PON3: variants seen among roughly 807,000 people sequenced by gnomAD.
PON3 encodes the protein serum paraoxonase/lactonase 3.
A neutral mutation model predicts 36.3 loss-of-function variants in PON3; 37 were observed. The ratio of observed to expected loss-of-function variants is 1.02; its 90% CI spans 0.78 to 1.34. The LOEUF is 1.34. Ranked by LOEUF, PON3 falls within the 40% of genes most tolerant of loss-of-function variation. PON3 has a pLI of 0.00. For synonymous variants in PON3, 155 were observed against 154.8 expected (o/e 1.00, Z -0.01); for missense variants, 415 against 426.5 (o/e 0.97, Z 0.24).
At chr7:95,376,847 A>G (rs1481191582) in intron 3 of PON3, among the ~76,000 whole-genome samples, 5 of 152,182 alleles carry the variant, frequency 3.3e-5, no homozygotes, top group African/African-American at 1.2e-4. Context: ...AAGACAGGTG[A>G]TTTCTGCATT....
chr7:95,394,700 G>A lies in PON3; in HGVS notation c.89C>T (p.Ala30Val), dbSNP rs776953776. The A allele has an allele frequency of 5.6e-6, 9 of 1,613,930 alleles. No individual in the cohort carries two copies. Among genetic ancestry groups the A allele is most frequent in the African/African-American group, 1.3e-5 (1 of 74,918 alleles). ...TTCTACTGGCTCCACTTCTCGAGAG[G>A]CATTCACCCTTTCTCTGTAGAAGAT... ...MFLAFRERVN[A>V]SREVEPVEPE... The change falls in exon 2 of 9, where the codon GCC becomes GTC. Residue 30 changes from alanine (A) to valine (V), a missense_variant. Coordinates refer to ENST00000265627, the MANE Select transcript of PON3 (RefSeq NM_000940.3).
intron 3 of PON3, among the ~76,000 whole-genome samples, chr7:95,373,929 G>A (rs970478959): frequency 3.3e-5 from 5 of 152,118 alleles, no homozygotes; most frequent in South Asian, 2.1e-4. Flanking sequence ...GAGCATTACC[G>A]CCTGAGCTCC....
rs1298368572 is a variant in PON3 at position 95,359,905 on chromosome 7, T to C, written c.*68A>G. 6 of 1,499,782 alleles carry C rather than the reference T, an allele frequency of 4.0e-6. No individual in the cohort carries two copies. Among genetic ancestry groups the C allele is most frequent in the South Asian group, 3.5e-5 (3 of 85,364 alleles). The allele number at this position is 1,499,782 out of a possible 1,614,324, so 92.9% of individuals were successfully genotyped here. A position where few individuals can be genotyped will look rare whatever the true frequency, so the allele number is the denominator to read the frequency against. On this transcript the variant is annotated 3_prime_UTR_variant, in exon 9 of 9. Transcript: ENST00000265627. ...TGCTATTTACTTACAGTGCCACTTA[T>C]CATACAATTATCAGTTTACTTTTAC...
At position 95,394,647 on chromosome 7, in the gene PON3, G is replaced by A. The variant is rs1809389499; in HGVS notation, c.142C>T (p.Leu48Phe). 4 of 1,613,774 alleles carry A rather than the reference G, an allele frequency of 2.5e-6. No individual in the cohort carries two copies. Among genetic ancestry groups the A allele is most frequent in the South Asian group, 2.2e-5 (2 of 91,072 alleles). ...EPENCHLIEE[L>F]ESGSEDIDIL... is the part of the protein sequence containing the mutation. ...CTTGGTACTGTCACATACATACCAAGTTCCTCAATAAGGTGGCAGTTTTCA... is the reference window on the plus strand; with the variant it reads ...CTTGGTACTGTCACATACATACCAAATTCCTCAATAAGGTGGCAGTTTTCA... Residue 48 changes from leucine (L) to phenylalanine (F), a missense_variant, in exon 2 of 9, where the codon CTT becomes TTT. Leu to Phe is a conservative substitution (Grantham distance 22). Coordinates refer to ENST00000265627, the MANE Select transcript of PON3 (RefSeq NM_000940.3).
At chr7:95,381,380 A>G (rs1809050350) in intron 3 of PON3, among the ~76,000 whole-genome samples, 1 of 152,234 alleles carries the variant, frequency 6.6e-6, no homozygotes, top group African/African-American at 2.4e-5. Flanking sequence ...AATGGGCTAA[A>G]TGCTCCAATT....
At chr7:95,365,891 G>A (rs1808679400) in intron 5 of PON3, 1 of 152,106 alleles carries the variant, frequency 6.6e-6, no homozygotes, top group Admixed American at 6.6e-5. Flanking sequence ...TTCTTGCAAG[G>A]ACACCAGTTC....
At chr7:95,371,553 A>C (rs1251448427) in intron 4 of PON3, among the ~76,000 whole-genome samples, 1 of 152,186 alleles carries the variant, frequency 6.6e-6, no homozygotes, top group Non-Finnish European at 1.5e-5. Flanking sequence ...TCTAAGGATG[A>C]TAAACATCTT....
chr7:95,394,853 T>C (rs1450070602), intron 1 of PON3, 139 bp from the exon 2 acceptor site: 2 of 730,752 alleles, frequency 2.7e-6, no homozygotes, highest in East Asian at 2.7e-5. Flanking sequence ...AAGTAGGTAC[T>C]TCCTTTCATG....
intron 5 of PON3, among the ~76,000 whole-genome samples, chr7:95,366,770 A>G (rs1808703540): frequency 6.6e-6 from 1 of 152,360 alleles, no homozygotes; most frequent in African/African-American, 2.4e-5. Context: ...TGGGCAAGTT[A>G]TCTAACCCAA....
chr7:95,396,357 G>C lies in PON3; in HGVS notation c.-7C>G, dbSNP rs761691124. 1.9e-6 allele frequency: 3 copies of C among 1,613,766 alleles called. No individual in the cohort carries two copies. Among genetic ancestry groups the C allele is most frequent in the Non-Finnish European group, 2.5e-6 (3 of 1,179,854 alleles). On this transcript the variant is annotated 5_prime_UTR_variant, in exon 1 of 9. Transcript: ENST00000265627. ...GCGCCACGAGCTTCCCCATGGTCTC[G>C]GGGTGCCCAGCGGCGACTGCGCGGC...
At chr7:95,375,351 C>T (rs942328865) in intron 3 of PON3, among the ~76,000 whole-genome samples, 11 of 149,160 alleles carry the variant, frequency 7.4e-5, no homozygotes, top group African/African-American at 1.7e-4. Flanking sequence ...TATATACACA[C>T]TCACATATGT....
intron 3 of PON3, among the ~76,000 whole-genome samples, chr7:95,382,701 A>G (rs199922008): frequency 1.3e-5 from 2 of 152,116 alleles, no homozygotes; most frequent in Non-Finnish European, 2.9e-5. Flanking sequence ...TGAAATTGAG[A>G]CAATAATTAA....
chr7:95,370,317 G>A (rs931478933), intron 4 of PON3, among the ~76,000 whole-genome samples: 9 of 152,284 alleles, frequency 5.9e-5, no homozygotes, highest in Admixed American at 5.2e-4. Flanking sequence ...TGAACTGCTG[G>A]TAGCAGTGAG....
chr7:95,382,220 T>G lies in PON3; in HGVS notation c.201+7934A>C, dbSNP rs535207805. 2.8e-4 allele frequency among the ~76,000 whole-genome samples: 43 copies of G among 152,304 alleles called. 1 individual carries two copies. The highest frequency in any genetic ancestry group is 1.0e-3 in the African/African-American group (42 of 41,564). On this transcript the variant is annotated intron_variant, in intron 3 of 8. Coordinates refer to ENST00000265627, the MANE Select transcript of PON3 (RefSeq NM_000940.3). ...TTAAAGCAGTGTGTAGAGGGAAATT[T>G]ATAGCACTAAATGCCCACAAGAGAA... is the stretch of plus-strand genomic sequence containing the variant.
intron 6 of PON3, 135 bp from the exon 7 acceptor site, chr7:95,362,976 G>A (rs1329228105): frequency 2.9e-6 from 2 of 689,838 alleles, no homozygotes; most frequent in African/African-American, 1.8e-5. Flanking sequence ...CACAGTAAAA[G>A]AAGATAATGG....
At chr7:95,362,959 T>G in intron 6 of PON3, 118 bp from the exon 7 acceptor site, 1 of 731,112 alleles carries the variant, frequency 1.4e-6, no homozygotes, top group Non-Finnish European at 2.4e-6. Flanking sequence ...GCAATCCTTT[T>G]CTAAACCACA....
At chr7:95,390,862 AC>A (rs17878661) in intron 2 of PON3, among the ~76,000 whole-genome samples, 4,246 of 152,266 alleles carry the variant, frequency 0.028, 115 homozygotes, top group African/African-American at 0.068. Flanking sequence ...AGGAGCTGTC[AC>A]CTACACTACG....
chr7:95,372,147 C>T, intron 4 of PON3, 26 bp downstream of exon 4: 2 of 1,605,288 alleles, frequency 1.2e-6, no homozygotes, highest in Non-Finnish European at 8.5e-7. Context: ...TCATTTCCCC[C>T]TTATCCCTAA....
intron 3 of PON3, among the ~76,000 whole-genome samples, chr7:95,384,508 G>GA (rs1430855886): frequency 2.0e-5 from 3 of 151,346 alleles, no homozygotes; most frequent in Admixed American, 6.6e-5. Context: ...AAATTTACAA[G>GA]AAAAAAACAC....
Sources: allele counts gnomAD v4.1 joint callset (sites outside exome capture counted in the v4.1 genomes callset), GRCh38; gene constraint gnomAD v4.1.1; transcripts MANE v1.5; gene names NCBI Gene and HGNC (gene_info 2026-07-23, HGNC 2026-07-21).